CDH20: variants seen among roughly 807,000 people sequenced by gnomAD.
CDH20 encodes cadherin-20.
Under a neutral mutation model 74.2 loss-of-function variants are expected in CDH20, and 29 were observed. The ratio of observed to expected loss-of-function variants is 0.39; its 90% confidence interval spans 0.29 to 0.53. CDH20 has a LOEUF of 0.53. CDH20 is among the 20% of genes least tolerant of loss of function. The pLI, the probability that CDH20 is intolerant of heterozygous loss-of-function variation, is 0.69. For missense variants in CDH20, 988 were observed against 1,048.3 expected (o/e 0.94, Z 0.79); for synonymous variants, 469 against 405.4 (o/e 1.16, Z -1.88).
At chr18:61,400,038 A>C (rs981500750) in intron 1 of CDH20, among the ~76,000 whole-genome samples, 1 of 152,226 alleles carries the variant, frequency 6.6e-6, no homozygotes, top group African/African-American at 2.4e-5. Context: ...GTCTAAAAAT[A>C]TAAGCCTATT....
intron 1 of CDH20, among the ~76,000 whole-genome samples, chr18:61,352,228 C>T (rs183250261): frequency 6.6e-6 from 1 of 152,288 alleles, no homozygotes; most frequent in Admixed American, 6.5e-5. Context: ...CTGTTTGTGA[C>T]AGCAACTGGT....
intron 1 of CDH20, among the ~76,000 whole-genome samples, chr18:61,400,818 T>A (rs1469362408): frequency 2.0e-5 from 3 of 152,210 alleles, no homozygotes; most frequent in Admixed American, 2.0e-4. Context: ...AACCAAAGAA[T>A]GAGCTCTGGT....
At chr18:61,469,459 G>A (rs1488113103) in intron 1 of CDH20, among the ~76,000 whole-genome samples, 2 of 151,900 alleles carry the variant, frequency 1.3e-5, no homozygotes, top group Non-Finnish European at 2.9e-5. Context: ...ACACACACAG[G>A]TGATCTGGCT....
chr18:61,438,289 G>A (rs116601089), intron 1 of CDH20, among the ~76,000 whole-genome samples: 3,667 of 152,202 alleles, frequency 0.024, 140 homozygotes, highest in African/African-American at 0.084. Flanking sequence ...GGCATCATGT[G>A]TGCTTGGGTA....
intron 1 of CDH20, among the ~76,000 whole-genome samples, chr18:61,345,939 G>A (rs974205519): frequency 3.9e-5 from 6 of 152,160 alleles, no homozygotes; most frequent in Admixed American, 1.3e-4. Flanking sequence ...AAGACCAGAC[G>A]GATCCTATGA....
At chr18:61,349,523 G>A (rs1216682708) in intron 1 of CDH20, among the ~76,000 whole-genome samples, 7 of 152,158 alleles carry the variant, frequency 4.6e-5, no homozygotes, top group African/African-American at 1.7e-4. Context: ...ATGCAAAGAA[G>A]TATGCCCTTT....
At chr18:61,366,302 T>G (rs1251970135) in intron 1 of CDH20, among the ~76,000 whole-genome samples, 1 of 152,184 alleles carries the variant, frequency 6.6e-6, no homozygotes, top group Non-Finnish European at 1.5e-5. Context: ...TGGTAAGCAC[T>G]GCAAATACTG....
intron 1 of CDH20, among the ~76,000 whole-genome samples, chr18:61,342,954 A>G (rs1910000485): frequency 6.6e-6 from 1 of 152,194 alleles, no homozygotes; most frequent in Admixed American, 6.5e-5. Context: ...ATACTGGGTG[A>G]TCAGGGGATT....
At chr18:61,410,093 G>A (rs1374868172) in intron 1 of CDH20, among the ~76,000 whole-genome samples, 1 of 152,096 alleles carries the variant, frequency 6.6e-6, no homozygotes, top group Non-Finnish European at 1.5e-5. Flanking sequence ...CACTACTATT[G>A]TCCTACTATG....
At chr18:61,338,714 A>G (rs1441756151) in intron 1 of CDH20, among the ~76,000 whole-genome samples, 4 of 152,210 alleles carry the variant, frequency 2.6e-5, no homozygotes, top group Non-Finnish European at 5.9e-5. Flanking sequence ...AAAAGTGCAC[A>G]TGTCAGAAAC....
chr18:61,407,865 G>A (rs1912380326), intron 1 of CDH20, among the ~76,000 whole-genome samples: 1 of 152,188 alleles, frequency 6.6e-6, no homozygotes, highest in Admixed American at 6.5e-5. Context: ...TGTAATGTGG[G>A]TCATTGGATT....
At chr18:61,341,569 T>A (rs975874555) in intron 1 of CDH20, among the ~76,000 whole-genome samples, 38 of 152,140 alleles carry the variant, frequency 2.5e-4, no homozygotes, top group Non-Finnish European at 5.9e-5. Context: ...CTTTTTCAAA[T>A]CCCTTGATTC....
intron 1 of CDH20, among the ~76,000 whole-genome samples, chr18:61,429,064 A>G (rs1260020486): frequency 3.3e-5 from 5 of 152,186 alleles, no homozygotes; most frequent in Non-Finnish European, 5.9e-5. Context: ...AGCGTTATGT[A>G]GGAATTTCTA....
At chr18:61,378,735 A>C (rs753050080) in intron 1 of CDH20, among the ~76,000 whole-genome samples, 2 of 152,194 alleles carry the variant, frequency 1.3e-5, no homozygotes, top group East Asian at 1.9e-4. Context: ...ATTTAGATCA[A>C]ATGTAACAAA....
At chr18:61,375,098 A>G (rs1232027455) in intron 1 of CDH20, among the ~76,000 whole-genome samples, 1 of 152,160 alleles carries the variant, frequency 6.6e-6, no homozygotes, top group African/African-American at 2.4e-5. Context: ...ATCCCTATTC[A>G]TCAGAGAGGC....
chr18:61,424,591 T>C (rs1017451080), intron 1 of CDH20, among the ~76,000 whole-genome samples: 2 of 152,248 alleles, frequency 1.3e-5, no homozygotes, highest in Admixed American at 6.5e-5. Context: ...AGAATTTGTA[T>C]GTACTAATTT....
At chr18:61,520,086 G>C (rs1057478684) in intron 6 of CDH20, among the ~76,000 whole-genome samples, 1 of 150,946 alleles carries the variant, frequency 6.6e-6, no homozygotes. Context: ...GGAGGCCAAG[G>C]TGGGTGGATC....
At chr18:61,513,208 T>C (rs1177781860) in intron 6 of CDH20, among the ~76,000 whole-genome samples, 4 of 146,182 alleles carry the variant, frequency 2.7e-5, no homozygotes, top group Non-Finnish European at 6.0e-5. Context: ...GCATATATAT[T>C]TAGGATAGTT....
At chr18:61,466,701 T>G (rs1236691521) in intron 1 of CDH20, among the ~76,000 whole-genome samples, 1 of 152,164 alleles carries the variant, frequency 6.6e-6, no homozygotes, top group Non-Finnish European at 1.5e-5. Context: ...TAGTAAAGTT[T>G]AGGTCTGAGG....
Sources: allele counts gnomAD v4.1 joint callset (sites outside exome capture counted in the v4.1 genomes callset), GRCh38; gene constraint gnomAD v4.1.1; transcripts MANE v1.5; gene names NCBI Gene and HGNC (gene_info 2026-07-23, HGNC 2026-07-21).